Variants in EIF4G3 observed in about 807,000 individuals in gnomAD.
EIF4G3 encodes eIF-4-gamma 3.
Under a neutral mutation model 186.4 loss-of-function variants are expected in EIF4G3, and 34 were observed. The ratio of observed to expected loss-of-function variants is 0.18; its 90% CI spans 0.14 to 0.24. EIF4G3 has a LOEUF of 0.24. EIF4G3 is among the 10% of genes least tolerant of loss of function. The pLI is 1.00. For missense variants in EIF4G3, 1,536 were observed against 1,948.5 expected (o/e 0.79, Z 3.99); for synonymous variants, 673 against 679.5 (o/e 0.99, Z 0.15).
At chr1:20,881,746 C>T (rs1181728346) in intron 19 of EIF4G3, among the ~76,000 whole-genome samples, 1 of 151,662 alleles carries the variant, frequency 6.6e-6, no homozygotes, top group Non-Finnish European at 1.5e-5. Context: ...TGTGATTGTG[C>T]CACTGCACTC....
intron 20 of EIF4G3, among the ~76,000 whole-genome samples, chr1:20,878,414 T>C (rs1374761610): frequency 6.6e-6 from 1 of 152,216 alleles, no homozygotes; most frequent in Non-Finnish European, 1.5e-5. Flanking sequence ...ATTGAGATAC[T>C]GCTACATCAC....
intron 29 of EIF4G3, among the ~76,000 whole-genome samples, chr1:20,843,921 C>A (rs751690836): frequency 6.6e-6 from 1 of 152,146 alleles, no homozygotes; most frequent in African/African-American, 2.4e-5. Context: ...CTTTTCTGTT[C>A]CTGCATTAGT....
At chr1:20,965,470 T>C (rs961997897) in intron 12 of EIF4G3, among the ~76,000 whole-genome samples, 1 of 152,192 alleles carries the variant, frequency 6.6e-6, no homozygotes, top group Non-Finnish European at 1.5e-5. Flanking sequence ...CCAATTTAGA[T>C]GGTAAATTAT....
At chr1:20,963,840 G>A (rs2074001943) in intron 12 of EIF4G3, among the ~76,000 whole-genome samples, 1 of 150,318 alleles carries the variant, frequency 6.7e-6, no homozygotes, top group African/African-American at 2.5e-5. Context: ...TGTAATTCCA[G>A]CTACTCAGGA....
At chr1:20,943,966 TATTTTTTTTGTGTGTG>T (rs1457498545) in intron 13 of EIF4G3, among the ~76,000 whole-genome samples, 6 of 17,114 alleles carry the variant, frequency 3.5e-4, no homozygotes, top group African/African-American at 8.8e-4. Flanking sequence ...AACTTGTCTT[TATTTTTTTTGTGTGTG>T]TGTGTGTGTG....
intron 3 of EIF4G3, among the ~76,000 whole-genome samples, chr1:21,085,438 G>A (rs1310047614): frequency 2.0e-5 from 3 of 152,088 alleles, no homozygotes; most frequent in African/African-American, 7.2e-5. Flanking sequence ...TTGCTCTACT[G>A]TCCAGGCTGG....
chr1:20,919,422 C>T (rs550897845), intron 14 of EIF4G3, among the ~76,000 whole-genome samples: 1 of 152,198 alleles, frequency 6.6e-6, no homozygotes, highest in South Asian at 2.1e-4. Context: ...TCAGGCTGGT[C>T]TTGAACTACT....
chr1:21,149,641 C>T (rs868727199), intron 2 of EIF4G3, among the ~76,000 whole-genome samples: 18 of 152,148 alleles, frequency 1.2e-4, no homozygotes, highest in African/African-American at 4.3e-4. Flanking sequence ...AAAGAGCACA[C>T]ACAGCAACTT....
chr1:20,817,479 T>A lies in EIF4G3; in HGVS notation c.4428A>T (p.Glu1476Asp), dbSNP rs1222567302. 1.2e-6 allele frequency: 2 copies of A among 1,608,716 alleles called. No individual in the cohort carries two copies. The highest frequency in any genetic ancestry group is 3.3e-5 in the Admixed American group (2 of 59,908). ...PCSSEALSKK[E>D]LSAEELYKRL... ...GCTTATACAGCTCTTCGGCAGACAG[T>A]TCTTTCTTTGAAAGTGCTTCAGAGG... The change falls in exon 34 of 37, where the codon GAA (glutamate) becomes GAT (aspartate). Residue 1476 changes from glutamate to aspartate, a missense_variant. Physicochemically the swap from Glu to Asp is conservative, Grantham distance 45. Transcript: ENST00000602326.
rs574372673 is a variant in EIF4G3, at chr1:21,068,850, GA to G, written c.-195-17857del. Among the ~76,000 whole-genome samples the G allele has an allele frequency of 1.7e-3, 257 of 152,268 alleles. 1 individual carries two copies. The highest frequency in any genetic ancestry group is 3.2e-3 in the Non-Finnish European group (216 of 68,016). On this transcript the variant is annotated intron_variant, in intron 3 of 36. Coordinates refer to ENST00000602326, the MANE Select transcript of EIF4G3 (RefSeq NM_001391906.1). ...GGAACCAGAAATGTTTCAGATTTCA[GA>G]TTTTGGAACACCTGCAAACAGTTAC...
At chr1:21,014,045 C>A (rs982132710) in intron 4 of EIF4G3, among the ~76,000 whole-genome samples, 3 of 152,102 alleles carry the variant, frequency 2.0e-5, no homozygotes, top group Non-Finnish European at 4.4e-5. Flanking sequence ...TGGTGGGTGC[C>A]TATAATCCCA....
At chr1:20,822,214 C>T (rs2062562201) in intron 33 of EIF4G3, among the ~76,000 whole-genome samples, 1 of 152,118 alleles carries the variant, frequency 6.6e-6, no homozygotes, top group African/African-American at 2.4e-5. Flanking sequence ...ATAAAATTTC[C>T]TCACCCACTT....
intron 2 of EIF4G3, among the ~76,000 whole-genome samples, chr1:21,106,066 CTTTTTTT>C (rs1048552858): frequency 8.3e-5 from 11 of 132,360 alleles, no homozygotes; most frequent in African/African-American, 3.1e-4. Context: ...GACCCTGTCT[CTTTTTTT>C]TTTTTTTTTT....
intron 12 of EIF4G3, among the ~76,000 whole-genome samples, chr1:20,961,560 A>T (rs922635627): frequency 1.3e-5 from 2 of 152,162 alleles, no homozygotes; most frequent in African/African-American, 4.8e-5. Flanking sequence ...ATTATCGTAA[A>T]CTATAGTCAC....
Position 20,980,350 on chromosome 1 carries a change from G to A in EIF4G3, c.477C>T (p.Asp159=). The change falls in exon 10 of 37, where the codon GAC becomes GAT. Residue 159 remains aspartate (D), a synonymous_variant. Coordinates refer to ENST00000602326, the MANE Select transcript of EIF4G3 (RefSeq NM_001391906.1). Reference sequence around the variant, plus strand: ...CCTACTTACCATAAGCATTGGGGAAGTCCCCAGGTCCTGGTCCAGGATAAA... The same window carrying A: ...CCTACTTACCATAAGCATTGGGGAAATCCCCAGGTCCTGGTCCAGGATAAA... ...GPFYPGPGPG[D]FPNAYGTPFY... 2 of 1,549,558 alleles carry A rather than the reference G, an allele frequency of 1.3e-6. No individual in the cohort carries two copies. Among genetic ancestry groups the A allele is most frequent in the Non-Finnish European group, 1.7e-6 (2 of 1,158,856 alleles).
chr1:20,831,624 A>G (rs1230127813), intron 30 of EIF4G3, among the ~76,000 whole-genome samples: 1 of 93,922 alleles, frequency 1.1e-5, no homozygotes, highest in Non-Finnish European at 2.2e-5. Context: ...TTTTTTTTTT[A>G]TACTTTAAGT....
chr1:20,999,013 T>C (rs1421656143), intron 6 of EIF4G3, among the ~76,000 whole-genome samples: 1 of 152,154 alleles, frequency 6.6e-6, no homozygotes, highest in Non-Finnish European at 1.5e-5. Flanking sequence ...TTGCAAAACA[T>C]TTGGAATTAC....
At chr1:20,939,503 T>C (rs2095634452) in intron 14 of EIF4G3, among the ~76,000 whole-genome samples, 1 of 152,206 alleles carries the variant, frequency 6.6e-6, no homozygotes, top group Non-Finnish European at 1.5e-5. Flanking sequence ...GGGCACTGTC[T>C]TGCAATATCA....
At chr1:20,950,214 C>T in intron 12 of EIF4G3, 103 bp from the exon 13 acceptor site, 1 of 685,698 alleles carries the variant, frequency 1.5e-6, no homozygotes. Context: ...CACAGGAGAT[C>T]ACAAAATTAA....
Sources: gnomAD v4.1 joint callset for allele counts (sites outside exome capture counted in the v4.1 genomes callset) on GRCh38, gnomAD v4.1.1 for gene constraint, MANE v1.5 for transcripts, NCBI Gene and HGNC (gene_info 2026-07-23, HGNC 2026-07-21) for gene names.